The following TRPM3 variants were observed in gnomAD, a reference collection of about 807,000 sequenced individuals.
TRPM3 encodes long transient receptor potential channel 3.
A neutral mutation model predicts 181.2 loss-of-function variants in TRPM3; 77 were observed. That is an observed-to-expected ratio of 0.42 (90% CI 0.35 to 0.51). The LOEUF is 0.51. Among genes scored for constraint, TRPM3 ranks in the 20% least tolerant of loss-of-function variants. TRPM3 has a pLI of 0.01. For synonymous variants in TRPM3, 745 were observed against 796.4 expected, an observed-to-expected ratio of 0.94 and a Z score of 1.09; for missense variants, 1,759 against 2,196.7, an observed-to-expected ratio of 0.80 and a Z score of 3.98.
At chr9:71,304,364 C>T (rs913190707) in intron 1 of TRPM3, among the ~76,000 whole-genome samples, 1 of 152,164 alleles carries the variant, frequency 6.6e-6, no homozygotes, top group Non-Finnish European at 1.5e-5. Flanking sequence ...CCCACCTCAT[C>T]CGACGGAAGG....
chr9:71,351,714 G>A (rs1168800702), intron 1 of TRPM3, among the ~76,000 whole-genome samples: 1 of 152,038 alleles, frequency 6.6e-6, no homozygotes, highest in Non-Finnish European at 1.5e-5. Context: ...TGTCCAATTT[G>A]CTATATATAT....
At chr9:70,792,473 A>G (rs1302762314) in intron 6 of TRPM3, among the ~76,000 whole-genome samples, 1 of 151,594 alleles carries the variant, frequency 6.6e-6, no homozygotes, top group Non-Finnish European at 1.5e-5. Context: ...GGGGAGAGAA[A>G]AGAGAAAGAA....
At chr9:71,032,633 G>A (rs746897078) in intron 1 of TRPM3, among the ~76,000 whole-genome samples, 1 of 152,114 alleles carries the variant, frequency 6.6e-6, no homozygotes, top group African/African-American at 2.4e-5. Context: ...ACACATCTAA[G>A]TTTTAAATTG....
intron 1 of TRPM3, among the ~76,000 whole-genome samples, chr9:71,292,763 G>C (rs2085923047): frequency 6.6e-6 from 1 of 151,904 alleles, no homozygotes; most frequent in Non-Finnish European, 1.5e-5. Flanking sequence ...CTATGGAACA[G>C]AAAGGGGAGA....
chr9:70,969,779 T>TAC (rs375252514), intron 1 of TRPM3, among the ~76,000 whole-genome samples: 1,760 of 139,806 alleles, frequency 0.013, 71 homozygotes, highest in African/African-American at 0.042. Context: ...TATATATATA[T>TAC]ACACACACAC....
intron 8 of TRPM3, among the ~76,000 whole-genome samples, chr9:70,757,461 G>A (rs1005816663): frequency 2.0e-5 from 3 of 152,134 alleles, no homozygotes; most frequent in African/African-American, 7.2e-5. Flanking sequence ...AGAAAAAGAG[G>A]GACTCCTCTA....
intron 1 of TRPM3, among the ~76,000 whole-genome samples, chr9:71,105,936 T>A (rs2069431345): frequency 6.6e-6 from 1 of 152,160 alleles, no homozygotes; most frequent in African/African-American, 2.4e-5. Context: ...CGTCTTGATA[T>A]GGGTTGTGGT....
Position 71,195,252 on chromosome 9 carries a change from T to C in TRPM3, c.183+251401A>G, listed in dbSNP as rs770038545. ...CAGAATGGGAGAACATTTTTGCAAATTATGCATCTGACAAAGGTCTAATAT... is the reference window on the plus strand; with the variant it reads ...CAGAATGGGAGAACATTTTTGCAAACTATGCATCTGACAAAGGTCTAATAT... On this transcript the variant is annotated intron_variant, in intron 1 of 24. Transcript: ENST00000357533. Among the ~76,000 whole-genome samples, 9 of 152,062 alleles carry C rather than the reference T, an allele frequency of 5.9e-5. 1 individual carries two copies. The South Asian group carries it at 1.9e-3, about 32-fold the overall frequency.
At chr9:71,150,666 C>A (rs780845753) in intron 1 of TRPM3, among the ~76,000 whole-genome samples, 18 of 152,194 alleles carry the variant, frequency 1.2e-4, no homozygotes, top group Non-Finnish European at 1.8e-4. Flanking sequence ...TCTCCTACAA[C>A]CACAAAGGGC....
intron 1 of TRPM3, among the ~76,000 whole-genome samples, chr9:71,302,802 G>A (rs2086897478): frequency 6.6e-6 from 1 of 151,758 alleles, no homozygotes; most frequent in South Asian, 2.1e-4. Context: ...AGGAAGGAAG[G>A]AAGAAAGAAG....
chr9:71,105,244 A>G (rs912782732), intron 1 of TRPM3, among the ~76,000 whole-genome samples: 1 of 152,222 alleles, frequency 6.6e-6, no homozygotes, highest in African/African-American at 2.4e-5. Context: ...CTAGACAGGC[A>G]AAACTAATAT....
At chr9:71,355,892 A>G (rs1565493340) in intron 1 of TRPM3, among the ~76,000 whole-genome samples, 1 of 151,082 alleles carries the variant, frequency 6.6e-6, no homozygotes, top group African/African-American at 2.4e-5. Context: ...TAATATTTTG[A>G]AAAAAAAATA....
At chr9:70,565,004 T>C (rs1368111833) in intron 22 of TRPM3, among the ~76,000 whole-genome samples, 1 of 152,212 alleles carries the variant, frequency 6.6e-6, no homozygotes, top group Non-Finnish European at 1.5e-5. Context: ...TGTTTACTGT[T>C]AAAACTTGAG....
At chr9:71,280,243 G>T (rs764798418) in intron 1 of TRPM3, among the ~76,000 whole-genome samples, 1 of 152,128 alleles carries the variant, frequency 6.6e-6, no homozygotes, top group Admixed American at 6.6e-5. Flanking sequence ...GCCATATGGT[G>T]GGTCCTGCAG....
chr9:70,927,585 C>A (rs1564781371), intron 1 of TRPM3, among the ~76,000 whole-genome samples: 1 of 152,120 alleles, frequency 6.6e-6, no homozygotes, highest in Admixed American at 6.6e-5. Flanking sequence ...CAGTTTCCAA[C>A]AGCTGGTAGT....
intron 8 of TRPM3, among the ~76,000 whole-genome samples, chr9:70,752,620 G>T (rs2076385050): frequency 6.6e-6 from 1 of 152,182 alleles, no homozygotes; most frequent in African/African-American, 2.4e-5. Flanking sequence ...GTGGTGCCAT[G>T]AGATTATAAT....
chr9:71,302,474 T>C (rs192816719), intron 1 of TRPM3, among the ~76,000 whole-genome samples: 2 of 152,330 alleles, frequency 1.3e-5, no homozygotes, highest in East Asian at 3.9e-4. Flanking sequence ...GATCAAATAA[T>C]TCTAAAATGC....
At position 71,148,172 on chromosome 9, in the gene TRPM3, C is replaced by G. The variant is rs574128954; in HGVS notation, c.184-283661G>C. Among the ~76,000 whole-genome samples the G allele has an allele frequency of 3.9e-5, 6 of 152,002 alleles. No homozygotes were observed. In the East Asian group the frequency reaches 1.2e-3, roughly 29 times the overall value. Reference sequence around the variant, plus strand: ...TCTCCTACCTGAGCAAAACTATGTACCTTAGTTTTGAGTCCTCAAGAAATT... The same window carrying G: ...TCTCCTACCTGAGCAAAACTATGTAGCTTAGTTTTGAGTCCTCAAGAAATT... On this transcript the variant is annotated intron_variant, in intron 1 of 24. Transcript: ENST00000357533.
At chr9:70,781,107 C>T (rs970809981) in intron 7 of TRPM3, among the ~76,000 whole-genome samples, 5 of 151,836 alleles carry the variant, frequency 3.3e-5, no homozygotes, top group Admixed American at 1.3e-4. Flanking sequence ...GGGAGGATCA[C>T]GAGGTTAGGA....
Sources: allele counts gnomAD v4.1 joint callset (sites outside exome capture counted in the v4.1 genomes callset), GRCh38; gene constraint gnomAD v4.1.1; transcripts MANE v1.5; gene names NCBI Gene and HGNC (gene_info 2026-07-23, HGNC 2026-07-21).